Variants in MYRIP observed in about 807,000 individuals in gnomAD.
MYRIP encodes myosin VIIA and Rab interacting protein.
MYRIP carries 49 observed loss-of-function variants against 98.0 expected under a neutral mutation model. That is an observed-to-expected ratio of 0.50 (90% CI 0.40 to 0.63). The LOEUF (loss-of-function observed/expected upper bound fraction) is 0.63, where lower values mean the gene tolerates loss of function less well. MYRIP is among the 30% of genes least tolerant of loss of function. The pLI is 0.00. For synonymous variants in MYRIP, 404 were observed against 409.5 expected, an observed-to-expected ratio of 0.99 and a Z score of 0.16; for missense variants, 1,004 against 1,058.2, an observed-to-expected ratio of 0.95 and a Z score of 0.71.
At chr3:40,148,105 C>A (rs1242755396) in intron 3 of MYRIP, among the ~76,000 whole-genome samples, 1 of 152,174 alleles carries the variant, frequency 6.6e-6, no homozygotes, top group Non-Finnish European at 1.5e-5. Context: ...CTATGCTCTA[C>A]TGTCTTCTAG....
intron 1 of MYRIP, among the ~76,000 whole-genome samples, chr3:39,869,096 A>G (rs771889602): frequency 1.5e-4 from 23 of 152,176 alleles, no homozygotes; most frequent in Non-Finnish European, 1.8e-4. Context: ...TGCGATTAAT[A>G]CTTTTCATCA....
At chr3:39,917,675 G>T (rs1323004542) in intron 2 of MYRIP, among the ~76,000 whole-genome samples, 1 of 151,436 alleles carries the variant, frequency 6.6e-6, no homozygotes, top group African/African-American at 2.4e-5. Context: ...CTTTATTATA[G>T]ATTAGCTGCC....
At chr3:39,822,089 G>T (rs1206391845) in intron 1 of MYRIP, among the ~76,000 whole-genome samples, 2 of 152,094 alleles carry the variant, frequency 1.3e-5, no homozygotes, top group East Asian at 1.9e-4. Flanking sequence ...TTTAGTTTAA[G>T]TGTATACCAT....
At position 40,112,846 on chromosome 3, in the gene MYRIP, A is replaced by G. The variant is rs1423639056; in HGVS notation, c.333-38202A>G. Among the ~76,000 whole-genome samples, 5 of 152,300 alleles carry G rather than the reference A, an allele frequency of 3.3e-5. No homozygotes were observed. The East Asian group carries it at 7.7e-4, about 23-fold the overall frequency. On this transcript the variant is annotated intron_variant, in intron 3 of 16. Transcript: ENST00000302541. The stretch of plus-strand genomic sequence containing the variant: ...TGATCCACAGGCTACTTTCATGACT[A>G]TTGTACAAGCCTGAGAGCAGATGTT...
intron 2 of MYRIP, among the ~76,000 whole-genome samples, chr3:39,955,037 A>G (rs940062258): frequency 6.6e-6 from 1 of 152,192 alleles, no homozygotes; most frequent in Admixed American, 6.5e-5. Context: ...AAAAGACCAA[A>G]TCTACATCTG....
chr3:40,169,950 A>C lies in MYRIP; in HGVS notation c.730A>C (p.Ile244Leu). The C allele has an allele frequency of 6.2e-7, 1 of 1,614,178 alleles. No individual in the cohort carries two copies. The highest frequency in any genetic ancestry group is 8.5e-7 in the Non-Finnish European group (1 of 1,180,020). Residue 244 changes from isoleucine to leucine, a missense_variant and splice_region_variant, in exon 8 of 17, where the codon ATT becomes CTT. Coordinates refer to ENST00000302541, the MANE Select transcript of MYRIP (RefSeq NM_015460.4). ...CCCTTTTTTGTCCTCCCCTCCCCAG[A>C]TTATACGAAAACAGAAGAGCAAAAG... ...EELATTILQKIIRKQKSKSEQ... is the reference protein window; with the variant it reads ...EELATTILQKLIRKQKSKSEQ...
At chr3:39,844,875 G>A (rs569670763) in intron 1 of MYRIP, among the ~76,000 whole-genome samples, 7 of 152,230 alleles carry the variant, frequency 4.6e-5, no homozygotes, top group African/African-American at 1.2e-4. Flanking sequence ...TTATGCATAC[G>A]GGACAGAGCA....
At chr3:39,942,265 C>T (rs528289121) in intron 2 of MYRIP, among the ~76,000 whole-genome samples, 6 of 152,152 alleles carry the variant, frequency 3.9e-5, no homozygotes, top group African/African-American at 9.6e-5. Flanking sequence ...ATTGTATGTA[C>T]GGCGTGGAAG....
chr3:40,113,200 G>A (rs1014114061), intron 3 of MYRIP, among the ~76,000 whole-genome samples: 16 of 152,250 alleles, frequency 1.1e-4, no homozygotes, highest in Non-Finnish European at 1.2e-4. Flanking sequence ...CTGGAGTGCA[G>A]TGGTGCGATC....
chr3:40,184,788 C>T (rs904688581), intron 9 of MYRIP, among the ~76,000 whole-genome samples: 1 of 152,182 alleles, frequency 6.6e-6, no homozygotes, highest in East Asian at 1.9e-4. Flanking sequence ...TAAAATTAGG[C>T]ACCCATAGGT....
chr3:39,951,226 A>C (rs1945006689), intron 2 of MYRIP, among the ~76,000 whole-genome samples: 1 of 152,196 alleles, frequency 6.6e-6, no homozygotes, highest in Non-Finnish European at 1.5e-5. Flanking sequence ...CCCTGGCTTT[A>C]GCTCCATGGA....
chr3:39,997,555 C>CA (rs1267203719), intron 2 of MYRIP, among the ~76,000 whole-genome samples: 1 of 151,890 alleles, frequency 6.6e-6, no homozygotes, highest in Non-Finnish European at 1.5e-5. Flanking sequence ...GCTTACCAAC[C>CA]AAAAAAAGTC....
At chr3:39,841,274 C>T (rs187720988) in intron 1 of MYRIP, among the ~76,000 whole-genome samples, 116 of 152,128 alleles carry the variant, frequency 7.6e-4, no homozygotes, top group Non-Finnish European at 1.5e-3. Flanking sequence ...TCACGAAGTT[C>T]TCGTGCTGTG....
At chr3:39,990,883 C>T (rs1228545090) in intron 2 of MYRIP, among the ~76,000 whole-genome samples, 1 of 152,200 alleles carries the variant, frequency 6.6e-6, no homozygotes, top group Non-Finnish European at 1.5e-5. Context: ...CCATCATTCT[C>T]AGCAAACTGT....
intron 2 of MYRIP, among the ~76,000 whole-genome samples, chr3:39,912,512 AG>A (rs1367337315): frequency 6.6e-6 from 1 of 152,220 alleles, no homozygotes; most frequent in African/African-American, 2.4e-5. Context: ...CCAAATCTTA[AG>A]CAAAATCCTT....
rs1020106014 is a variant in MYRIP at position 40,159,954 on chromosome 3, T to A, written c.470-2776T>A. ...CTTTGGTTTGAATGTCCTCCTGTAG[T>A]TCGGAGTAATTTGATCATCTGAAGC... On this transcript the variant is annotated intron_variant, in intron 4 of 16. Transcript: ENST00000302541. Among the ~76,000 whole-genome samples, 5 of 152,170 alleles carry A rather than the reference T, an allele frequency of 3.3e-5. No individual in the cohort carries two copies. The East Asian group carries it at 9.6e-4, about 29-fold the overall frequency.
chr3:39,830,903 A>C (rs1941425677), intron 1 of MYRIP, among the ~76,000 whole-genome samples: 1 of 152,050 alleles, frequency 6.6e-6, no homozygotes, highest in Non-Finnish European at 1.5e-5. Context: ...TCTCTCTTAA[A>C]CCCATCCCTG....
At chr3:40,005,909 C>G (rs1271003289) in intron 2 of MYRIP, among the ~76,000 whole-genome samples, 1 of 152,082 alleles carries the variant, frequency 6.6e-6, no homozygotes, top group African/African-American at 2.4e-5. Context: ...GGAGAAAATT[C>G]AGGTGCTTTG....
chr3:40,057,129 A>C (rs1431320889), intron 3 of MYRIP, among the ~76,000 whole-genome samples: 1 of 151,868 alleles, frequency 6.6e-6, no homozygotes, highest in African/African-American at 2.4e-5. Flanking sequence ...CACCCCCACC[A>C]CCTTCCACAC....
Sources: allele counts gnomAD v4.1 joint callset (sites outside exome capture counted in the v4.1 genomes callset), GRCh38; gene constraint gnomAD v4.1.1; transcripts MANE v1.5; gene names NCBI Gene and HGNC (gene_info 2026-07-23, HGNC 2026-07-21).